Variants in KCND2 observed in about 807,000 individuals in gnomAD.
The protein encoded by KCND2 is potassium voltage-gated channel subfamily D member 2, also known as A-type voltage-gated potassium channel KCND2.
KCND2 carries 16 observed loss-of-function variants against 54.4 expected under a neutral mutation model. That is an observed-to-expected ratio of 0.29 (90% confidence interval 0.20 to 0.45). The LOEUF is 0.45. Ranked by LOEUF, KCND2 falls within the 20% of genes least tolerant of loss-of-function variation. The probability of loss-of-function intolerance (pLI) is 1.00; values close to 1 mark genes in which losing one functional copy is unlikely to be tolerated. For synonymous variants in KCND2, 317 were observed against 310.7 expected (o/e 1.02, Z -0.21); for missense variants, 486 against 824.2 (o/e 0.59, Z 5.02).
intron 1 of KCND2, among the ~76,000 whole-genome samples, chr7:120,531,601 G>A (rs909950453): frequency 1.3e-5 from 2 of 151,916 alleles, no homozygotes; most frequent in Admixed American, 1.3e-4. Context: ...CTTGTTTCTC[G>A]ATATTTTTAC....
At chr7:120,655,163 A>C (rs971068332) in intron 1 of KCND2, among the ~76,000 whole-genome samples, 10 of 152,218 alleles carry the variant, frequency 6.6e-5, no homozygotes, top group Non-Finnish European at 1.5e-4. Context: ...TTTTTTCTAA[A>C]GGAAGAATAT....
intron 1 of KCND2, among the ~76,000 whole-genome samples, chr7:120,310,016 T>A (rs1015153106): frequency 6.6e-6 from 1 of 152,236 alleles, no homozygotes. Flanking sequence ...ACTTCTTCTT[T>A]GATTCCTTTC....
At chr7:120,567,542 A>C (rs1277155704) in intron 1 of KCND2, among the ~76,000 whole-genome samples, 1 of 152,166 alleles carries the variant, frequency 6.6e-6, no homozygotes, top group African/African-American at 2.4e-5. Flanking sequence ...CCAGAATTTT[A>C]GCTACCAAGG....
intron 1 of KCND2, among the ~76,000 whole-genome samples, chr7:120,553,699 G>A (rs531342809): frequency 6.6e-6 from 1 of 152,322 alleles, no homozygotes; most frequent in African/African-American, 2.4e-5. Flanking sequence ...AGGTCATCCT[G>A]TGAGTACAGA....
At chr7:120,503,359 T>A (rs79792588) in intron 1 of KCND2, among the ~76,000 whole-genome samples, 1 of 150,322 alleles carries the variant, frequency 6.7e-6, no homozygotes, top group Non-Finnish European at 1.5e-5. Context: ...ATTTCAAAAT[T>A]TGAGATTACA....
intron 1 of KCND2, among the ~76,000 whole-genome samples, chr7:120,511,303 G>A (rs1803111399): frequency 6.6e-6 from 1 of 151,926 alleles, no homozygotes; most frequent in South Asian, 2.1e-4. Flanking sequence ...TTCCCCAAAA[G>A]ACTTAACACT....
chr7:120,734,880 G>A (rs185926293), intron 2 of KCND2, among the ~76,000 whole-genome samples: 17 of 152,100 alleles, frequency 1.1e-4, no homozygotes, highest in Admixed American at 3.9e-4. Flanking sequence ...ATTCCAGAAC[G>A]GGATCTTAAG....
intron 1 of KCND2, among the ~76,000 whole-genome samples, chr7:120,397,986 TGTGTG>T: frequency 2.7e-5 from 1 of 37,336 alleles, no homozygotes; most frequent in Admixed American, 2.5e-4. Context: ...TGTGTGTGTG[TGTGTG>T]TGTGTATATA....
rs929652611 is a variant in KCND2, at chr7:120,273,637, C to G, written c.-996C>G. 6.6e-6 allele frequency: 1 copy of G among 152,550 alleles called. No homozygotes were observed. The highest frequency in any genetic ancestry group is 6.5e-5 in the Admixed American group (1 of 15,294). 9.4% of individuals were successfully genotyped at this position (152,550 alleles called of 1,614,324 possible). On this transcript the variant is annotated 5_prime_UTR_variant, in exon 1 of 6. Coordinates refer to ENST00000331113, the MANE Select transcript of KCND2 (RefSeq NM_012281.3). ...GAAGGGAAAGAAGAGCTCGCTTGAG[C>G]TTTATTTATGCTCTCTCGGCGCATC...
At chr7:120,427,440 G>T (rs1056119228) in intron 1 of KCND2, among the ~76,000 whole-genome samples, 2 of 152,090 alleles carry the variant, frequency 1.3e-5, no homozygotes, top group African/African-American at 4.8e-5. Context: ...CAGTTTTTTA[G>T]TCTTTACATT....
chr7:120,670,767 T>A (rs572629301), intron 1 of KCND2, among the ~76,000 whole-genome samples: 3 of 151,832 alleles, frequency 2.0e-5, no homozygotes, highest in Admixed American at 2.0e-4. Context: ...ATACAAAAAA[T>A]TCGCCAGGCG....
chr7:120,341,423 G>A (rs1800237983), intron 1 of KCND2, among the ~76,000 whole-genome samples: 1 of 152,124 alleles, frequency 6.6e-6, no homozygotes, highest in Non-Finnish European at 1.5e-5. Flanking sequence ...TTAGATTTAT[G>A]TAGGGCTGTA....
At chr7:120,693,726 A>G (rs1051793461) in intron 1 of KCND2, among the ~76,000 whole-genome samples, 6 of 152,184 alleles carry the variant, frequency 3.9e-5, no homozygotes, top group Non-Finnish European at 7.3e-5. Flanking sequence ...AGAATTAAGA[A>G]CTGAGACACA....
intron 1 of KCND2, among the ~76,000 whole-genome samples, chr7:120,276,167 A>G (rs1799170935): frequency 6.6e-6 from 1 of 152,164 alleles, no homozygotes; most frequent in East Asian, 1.9e-4. Flanking sequence ...TACTTGAACT[A>G]TTATTTTCAT....
intron 1 of KCND2, among the ~76,000 whole-genome samples, chr7:120,683,370 C>T (rs920334051): frequency 6.6e-6 from 1 of 151,924 alleles, no homozygotes. Context: ...TCCTAGAGAC[C>T]CTGTTGTGTA....
At chr7:120,650,888 C>G (rs1349436436) in intron 1 of KCND2, among the ~76,000 whole-genome samples, 1 of 143,492 alleles carries the variant, frequency 7.0e-6, no homozygotes, top group Non-Finnish European at 1.5e-5. Context: ...CACTCCAGAC[C>G]CTGTTTGCCT....
At chr7:120,436,621 G>A (rs1416207500) in intron 1 of KCND2, among the ~76,000 whole-genome samples, 1 of 152,148 alleles carries the variant, frequency 6.6e-6, no homozygotes, top group Non-Finnish European at 1.5e-5. Context: ...CCAGGACTCT[G>A]TCTACAAAAT....
intron 1 of KCND2, among the ~76,000 whole-genome samples, chr7:120,525,855 C>T (rs534144706): frequency 2.6e-5 from 4 of 152,058 alleles, no homozygotes; most frequent in Non-Finnish European, 4.4e-5. Flanking sequence ...GGTACACAAC[C>T]CTGTCCAAAT....
intron 1 of KCND2, among the ~76,000 whole-genome samples, chr7:120,624,442 T>C (rs150735189): frequency 1.3e-5 from 2 of 152,302 alleles, no homozygotes; most frequent in African/African-American, 4.8e-5. Flanking sequence ...ATTATTTTTG[T>C]ATCCAATAAT....
Sources: allele counts gnomAD v4.1 joint callset (sites outside exome capture counted in the v4.1 genomes callset), GRCh38; gene constraint gnomAD v4.1.1; transcripts MANE v1.5; gene names NCBI Gene and HGNC (gene_info 2026-07-23, HGNC 2026-07-21).